PCDHGA8: variants seen among roughly 807,000 people sequenced by gnomAD.
PCDHGA8 encodes protocadherin gamma-A8.
PCDHGA8 carries 45 observed loss-of-function variants against 59.2 expected under a neutral mutation model. That is an observed-to-expected ratio of 0.76 (90% CI 0.60 to 0.98). PCDHGA8 has a LOEUF of 0.98. Ranked by LOEUF, PCDHGA8 falls within the 50% of genes least tolerant of loss-of-function variation. The pLI, the probability that PCDHGA8 is intolerant of heterozygous loss-of-function variation, is 0.00. For missense variants in PCDHGA8, 1,257 were observed against 1,196.2 expected (o/e 1.05, Z -0.75); for synonymous variants, 531 against 519.0 (o/e 1.02, Z -0.32).
rs1156927948 is a variant in PCDHGA8, at chr5:141,490,342, G to A, written c.2425-4465G>A. 16 of 1,614,126 alleles carry A rather than the reference G, an allele frequency of 9.9e-6. 1 individual carries two copies. In the Admixed American group the frequency reaches 1.3e-4, roughly 13 times the overall value. ...CCTAGAGAGCACACCAGTGGGCACA[G>A]TAGTGGGGTTGTTTAATGTGCGAGA... On this transcript the variant is annotated intron_variant, in intron 1 of 3. Coordinates refer to ENST00000398604, the MANE Select transcript of PCDHGA8 (RefSeq NM_032088.2). This position sits in a 1 kb window ranked among gnomAD's most constrained non-coding sequence, Gnocchi z 5.4.
Position 141,394,577 on chromosome 5 carries a change from G to A in PCDHGA8, c.1764G>A (p.Val588=), listed in dbSNP as rs757579320. 3.1e-6 allele frequency: 5 copies of A among 1,613,986 alleles called. No individual in the cohort carries two copies. The highest frequency in any genetic ancestry group is 1.1e-5 in the South Asian group (1 of 91,068). The part of the protein sequence containing the change: ...APRSAERGYL[V]TKVVAVDRDS... ...GCTCCGCAGAGCGTGGCTACCTGGT[G>A]ACCAAGGTGGTGGCGGTGGACAGAG... Residue 588 remains valine (V), a synonymous_variant, in exon 1 of 4, where the codon GTG becomes GTA. Transcript: ENST00000398604.
At position 141,486,055 on chromosome 5, in the gene PCDHGA8, C is replaced by T; in HGVS notation, c.2425-8752C>T. 6.2e-7 allele frequency: 1 copy of T among 1,614,170 alleles called. No individual in the cohort carries two copies. ...CTGATCGTGTAAGAAACCTCTTTAG[C>T]CTGCACCCCACTACTGGAAAGCTTA... On this transcript the variant is annotated intron_variant, in intron 1 of 3. Transcript: ENST00000398604. The surrounding 1 kb of genome is among the most constrained non-coding windows in gnomAD (Gnocchi z 5.0).
rs770759647 is a variant in PCDHGA8 at position 141,393,173 on chromosome 5, A to C, written c.360A>C (p.Glu120Asp). 38 of 1,613,150 alleles carry C rather than the reference A, an allele frequency of 2.4e-5. No homozygotes were observed. Among genetic ancestry groups the C allele is most frequent in the Non-Finnish European group, 3.2e-5 (38 of 1,179,886 alleles). ...VEDKGKLFGV[E>D]IEIIDINDNN... is the part of the protein sequence containing the mutation. ...ATAAAGGAAAACTCTTTGGGGTAGA[A>C]ATAGAAATAATTGATATTAACGATA... Residue 120 changes from glutamate to aspartate, a missense_variant, in exon 1 of 4, where the codon GAA becomes GAC. Physicochemically the swap from Glu to Asp is conservative, Grantham distance 45. Coordinates refer to ENST00000398604, the MANE Select transcript of PCDHGA8 (RefSeq NM_032088.2).
intron 1 of PCDHGA8, chr5:141,417,622 G>T (rs1036510827): frequency 1.5e-6 from 1 of 668,534 alleles, no homozygotes; most frequent in Non-Finnish European, 2.4e-6. Flanking sequence ...TGCAGAGCAA[G>T]CGCTGACGCC....
intron 1 of PCDHGA8, among the ~76,000 whole-genome samples, chr5:141,433,690 A>G (rs951380027): frequency 2.0e-5 from 3 of 152,088 alleles, no homozygotes; most frequent in African/African-American, 7.2e-5. Flanking sequence ...ATACAAAATT[A>G]GCCGGGCGTG....
intron 2 of PCDHGA8, among the ~76,000 whole-genome samples, chr5:141,503,388 A>C (rs1456500896): frequency 6.6e-6 from 1 of 152,004 alleles, no homozygotes; most frequent in East Asian, 1.9e-4. Flanking sequence ...TGAGGTCAGG[A>C]GTTCGAAACC....
At chr5:141,423,375 G>C in intron 1 of PCDHGA8, 1 of 1,614,192 alleles carries the variant, frequency 6.2e-7, no homozygotes, top group Non-Finnish European at 8.5e-7. Context: ...TGGCACTCAG[G>C]CTGTGGCGCT....
At chr5:141,498,137 G>T (rs1319960274) in intron 2 of PCDHGA8, among the ~76,000 whole-genome samples, 1 of 152,204 alleles carries the variant, frequency 6.6e-6, no homozygotes, top group Non-Finnish European at 1.5e-5. Context: ...GGAGCAGGAG[G>T]ACATCCTGGA....
At chr5:141,506,240 G>A (rs918820495) in intron 3 of PCDHGA8, among the ~76,000 whole-genome samples, 8 of 152,184 alleles carry the variant, frequency 5.3e-5, no homozygotes, top group Middle Eastern at 3.4e-3. Flanking sequence ...CATGAGGTCA[G>A]GAGTTCGAAA....
rs780380650 is a variant in PCDHGA8 at position 141,432,715 on chromosome 5, C to G, written c.2424+37478C>G. 2.5e-6 allele frequency: 4 copies of G among 1,613,996 alleles called. No homozygotes were observed. Among genetic ancestry groups the G allele is most frequent in the Non-Finnish European group, 3.4e-6 (4 of 1,179,970 alleles). On this transcript the variant is annotated intron_variant, in intron 1 of 3. Transcript: ENST00000398604. The surrounding 1 kb of genome is among the most constrained non-coding windows in gnomAD (Gnocchi z 6.0). ...TGGCCGTCCAGGACCACGGCCAGCC[C>G]CCTCTCTCCGCCACTGTCACGCTCA... is the stretch of plus-strand genomic sequence containing the variant.
chr5:141,439,676 G>A (rs543598257), intron 1 of PCDHGA8, among the ~76,000 whole-genome samples: 27 of 152,292 alleles, frequency 1.8e-4, no homozygotes, highest in Admixed American at 1.0e-3. Flanking sequence ...GCAAATCCAA[G>A]AGCAGACCCA....
intron 1 of PCDHGA8, chr5:141,478,583 C>CT (rs754743497): frequency 5.7e-6 from 9 of 1,578,146 alleles, no homozygotes; most frequent in South Asian, 1.1e-5. Flanking sequence ...CCTGTTAGTG[C>CT]TTTTTTATTC....
chr5:141,494,234 A>G (rs1299510042), intron 1 of PCDHGA8, among the ~76,000 whole-genome samples: 1 of 152,138 alleles, frequency 6.6e-6, no homozygotes, highest in Non-Finnish European at 1.5e-5. Context: ...CTAAATTAAT[A>G]ATGTATTTAG....
chr5:141,506,645 A>G (rs1229614297), intron 3 of PCDHGA8, among the ~76,000 whole-genome samples: 3 of 152,188 alleles, frequency 2.0e-5, no homozygotes, highest in African/African-American at 7.2e-5. Context: ...CCCTCAGCAC[A>G]GGATTGGCAG....
rs1379095967 is a variant in PCDHGA8 at position 141,422,752 on chromosome 5, A to C, written c.2424+27515A>C. The C allele has an allele frequency of 6.2e-7, 1 of 1,612,064 alleles. No homozygotes were observed. The highest frequency in any genetic ancestry group is 1.3e-5 in the African/African-American group (1 of 74,892). On this transcript the variant is annotated intron_variant, in intron 1 of 3. Transcript: ENST00000398604. The stretch of plus-strand genomic sequence containing the variant: ...GCCTCTGTCCTCCTATGTCTCTATT[A>C]ACTCCAACACTGGTGTTCTCTATGC...
chr5:141,459,756 G>A (rs1455980132), intron 1 of PCDHGA8, among the ~76,000 whole-genome samples: 1 of 152,118 alleles, frequency 6.6e-6, no homozygotes, highest in Non-Finnish European at 1.5e-5. Flanking sequence ...AATTCTAGTG[G>A]GTGTGTGATA....
chr5:141,444,152 A>AT (rs747671382), intron 1 of PCDHGA8, among the ~76,000 whole-genome samples: 1,130 of 33,890 alleles, frequency 0.033, 460 homozygotes, highest in Non-Finnish European at 0.038. Flanking sequence ...TGTGTACTGG[A>AT]TTTTTTTTTT....
chr5:141,481,071 A>G (rs887828386), intron 1 of PCDHGA8, among the ~76,000 whole-genome samples: 19 of 152,172 alleles, frequency 1.2e-4, no homozygotes, highest in African/African-American at 4.6e-4. Context: ...AACAAAAAGA[A>G]AGAAAGAAAA....
At chr5:141,434,364 A>G (rs1023051594) in intron 1 of PCDHGA8, among the ~76,000 whole-genome samples, 1 of 152,208 alleles carries the variant, frequency 6.6e-6, no homozygotes, top group Non-Finnish European at 1.5e-5. Context: ...AAATCTGGCC[A>G]TAAACTGGCC....
Sources: allele counts gnomAD v4.1 joint callset (sites outside exome capture counted in the v4.1 genomes callset), GRCh38; gene constraint gnomAD v4.1.1; non-coding constraint Gnocchi (gnomAD v3.1); transcripts MANE v1.5; gene names NCBI Gene and HGNC (gene_info 2026-07-23, HGNC 2026-07-21).